FYB1: variants seen among roughly 807,000 people sequenced by gnomAD.
FYB1 encodes the protein FYN binding protein 1.
A neutral mutation model predicts 94.1 loss-of-function variants in FYB1; 41 were observed. The ratio of observed to expected loss-of-function variants is 0.44; its 90% CI spans 0.34 to 0.57. FYB1 has a LOEUF of 0.57. Ranked by LOEUF, FYB1 falls within the 20% of genes least tolerant of loss-of-function variation. FYB1 has a pLI of 0.02. For missense variants in FYB1, 1,050 were observed against 976.8 expected, an observed-to-expected ratio of 1.07 and a Z score of -1.00; for synonymous variants, 367 against 353.2, an observed-to-expected ratio of 1.04 and a Z score of -0.44.
At chr5:39,196,441 C>T (rs1443344211) in intron 2 of FYB1, among the ~76,000 whole-genome samples, 1 of 151,960 alleles carries the variant, frequency 6.6e-6, no homozygotes, top group African/African-American at 2.4e-5. Flanking sequence ...GTGTTCAGCC[C>T]GCCTCGGCCT....
At chr5:39,191,569 T>C (rs1022867023) in intron 2 of FYB1, among the ~76,000 whole-genome samples, 1 of 152,244 alleles carries the variant, frequency 6.6e-6, no homozygotes, top group Non-Finnish European at 1.5e-5. Flanking sequence ...TGTTTTTTTC[T>C]ACCTTTGATA....
At chr5:39,137,860 A>T in intron 6 of FYB1, 140 bp from the exon 7 acceptor site, 1 of 1,072,856 alleles carries the variant, frequency 9.3e-7, no homozygotes, top group Non-Finnish European at 1.3e-6. Flanking sequence ...GGTTGTCAAA[A>T]TCCGGAATGT....
chr5:39,167,808 C>T (rs1262586320), intron 2 of FYB1, among the ~76,000 whole-genome samples: 2 of 152,184 alleles, frequency 1.3e-5, no homozygotes, highest in African/African-American at 4.8e-5. Flanking sequence ...CAGCAATGTG[C>T]CTCAATGAAG....
At chr5:39,215,895 T>A (rs1253133395) in intron 1 of FYB1, among the ~76,000 whole-genome samples, 1 of 152,210 alleles carries the variant, frequency 6.6e-6, no homozygotes, top group South Asian at 2.1e-4. Flanking sequence ...TGCAACGGAA[T>A]CATTCTGGGT....
intron 1 of FYB1, among the ~76,000 whole-genome samples, chr5:39,243,727 T>G (rs1476316472): frequency 6.6e-6 from 1 of 152,216 alleles, no homozygotes; most frequent in East Asian, 1.9e-4. Context: ...TAAATTACCT[T>G]GGGCAGTATG....
At chr5:39,141,298 T>C (rs1467788021) in intron 3 of FYB1, among the ~76,000 whole-genome samples, 157 bp from the exon 4 acceptor site, 1 of 152,280 alleles carries the variant, frequency 6.6e-6, no homozygotes, top group Non-Finnish European at 1.5e-5. Flanking sequence ...TTTAGCCTTA[T>C]ACTTCTGCTG....
intron 12 of FYB1, among the ~76,000 whole-genome samples, chr5:39,125,398 C>T (rs1740556275): frequency 6.6e-6 from 1 of 151,926 alleles, no homozygotes; most frequent in Non-Finnish European, 1.5e-5. Context: ...AAAGTTATGC[C>T]TTAGATTTTA....
intron 9 of FYB1, among the ~76,000 whole-genome samples, chr5:39,133,416 G>C (rs1027471160): frequency 6.6e-6 from 1 of 152,058 alleles, no homozygotes; most frequent in African/African-American, 2.4e-5. Flanking sequence ...GGTGTTGGAG[G>C]AAAGAAGGAA....
intron 2 of FYB1, chr5:39,169,528 G>C: frequency 1.8e-6 from 1 of 562,456 alleles, no homozygotes; most frequent in South Asian, 1.5e-5. Flanking sequence ...GAGTCCATCT[G>C]CTGTTTGAGG....
chr5:39,161,690 A>G (rs1431683359), intron 2 of FYB1, among the ~76,000 whole-genome samples: 2 of 152,170 alleles, frequency 1.3e-5, no homozygotes, highest in Non-Finnish European at 2.9e-5. Context: ...TATAAAAATA[A>G]CCACTGAAGT....
At chr5:39,183,084 G>A (rs1375466053) in intron 2 of FYB1, among the ~76,000 whole-genome samples, 3 of 152,098 alleles carry the variant, frequency 2.0e-5, no homozygotes, top group Non-Finnish European at 4.4e-5. Flanking sequence ...GTGCAAAGGC[G>A]TGATCTCGGC....
intron 1 of FYB1, among the ~76,000 whole-genome samples, chr5:39,231,602 C>A (rs1249169126): frequency 6.6e-6 from 1 of 152,026 alleles, no homozygotes; most frequent in Non-Finnish European, 1.5e-5. Context: ...AAATGCTACT[C>A]GAAGAATGGG....
intron 1 of FYB1, among the ~76,000 whole-genome samples, chr5:39,213,810 G>T (rs182662421): frequency 6.6e-6 from 1 of 152,176 alleles, no homozygotes; most frequent in East Asian, 1.9e-4. Flanking sequence ...CACCATTCTG[G>T]TTCATTCATT....
chr5:39,148,381 G>GTTTTTTTTTTTTTTTTTTT (rs538508812), intron 3 of FYB1, among the ~76,000 whole-genome samples: 1 of 38,172 alleles, frequency 2.6e-5, no homozygotes, highest in Admixed American at 3.5e-4. Context: ...TTATCAGCAG[G>GTTTTTTTTTTTTTTTTTTT]TTTTTTTTTT....
intron 1 of FYB1, among the ~76,000 whole-genome samples, chr5:39,243,784 T>C (rs1202408791): frequency 2.6e-5 from 4 of 152,190 alleles, no homozygotes; most frequent in Admixed American, 6.5e-5. Context: ...CATGGAATGT[T>C]CTTCCATTTG....
chr5:39,246,304 C>A (rs1751476211), intron 1 of FYB1, among the ~76,000 whole-genome samples: 1 of 152,118 alleles, frequency 6.6e-6, no homozygotes, highest in African/African-American at 2.4e-5. Flanking sequence ...ATGTTTAAAG[C>A]TCAAGTGTAA....
At chr5:39,251,498 C>T (rs533317896) in intron 1 of FYB1, among the ~76,000 whole-genome samples, 1 of 152,164 alleles carries the variant, frequency 6.6e-6, no homozygotes, top group East Asian at 1.9e-4. Flanking sequence ...CCAGATCCTG[C>T]CTTGACCTTA....
intron 1 of FYB1, among the ~76,000 whole-genome samples, chr5:39,257,738 A>G (rs1163164756): frequency 6.6e-6 from 1 of 152,150 alleles, no homozygotes; most frequent in Non-Finnish European, 1.5e-5. Context: ...AGTGATGATC[A>G]GAATGGGCTA....
chr5:39,118,276 T>C (rs933093082), intron 16 of FYB1, among the ~76,000 whole-genome samples: 1 of 152,188 alleles, frequency 6.6e-6, no homozygotes, highest in Non-Finnish European at 1.5e-5. Context: ...TGGAATAGTA[T>C]GTTGCACTAA....
Sources: allele counts gnomAD v4.1 joint callset (sites outside exome capture counted in the v4.1 genomes callset), GRCh38; gene constraint gnomAD v4.1.1; transcripts MANE v1.5; gene names NCBI Gene and HGNC (gene_info 2026-07-23, HGNC 2026-07-21).